The following TFEC variants were observed in gnomAD, a reference collection of about 807,000 sequenced individuals.
TFEC encodes the protein transcription factor EC.
TFEC carries 31 observed loss-of-function variants against 41.6 expected under a neutral mutation model. The ratio of observed to expected loss-of-function variants is 0.74; its 90% CI spans 0.56 to 1.01. The LOEUF is 1.01. TFEC is among the 50% of genes least tolerant of loss of function. The pLI is 0.00. For missense variants in TFEC, 402 were observed against 404.1 expected (o/e 0.99, Z 0.04); for synonymous variants, 143 against 140.6 (o/e 1.02, Z -0.12).
chr7:116,086,360 A>G (rs1254563580), intron 3 of TFEC, among the ~76,000 whole-genome samples: 3 of 151,844 alleles, frequency 2.0e-5, no homozygotes, highest in African/African-American at 7.2e-5. Flanking sequence ...AGGACCAAAG[A>G]ATGTGAGAAA....
At chr7:116,095,282 A>C (rs1366341065) in intron 3 of TFEC, among the ~76,000 whole-genome samples, 1 of 152,226 alleles carries the variant, frequency 6.6e-6, no homozygotes, top group Non-Finnish European at 1.5e-5. Context: ...TATTGAAAAC[A>C]TAAAGCACTT....
chr7:116,130,228 G>C (rs1225370869), intron 1 of TFEC, among the ~76,000 whole-genome samples: 1 of 152,136 alleles, frequency 6.6e-6, no homozygotes, highest in Non-Finnish European at 1.5e-5. Flanking sequence ...TTATCACAGA[G>C]TGCTAGAAGT....
chr7:116,084,471 C>T (rs567392090), intron 3 of TFEC, among the ~76,000 whole-genome samples: 4 of 151,862 alleles, frequency 2.6e-5, no homozygotes, highest in African/African-American at 4.8e-5. Context: ...AGTCCGAGCT[C>T]GTTCTAATAA....
chr7:116,108,992 A>C (rs1797784319), intron 3 of TFEC, among the ~76,000 whole-genome samples: 2 of 152,152 alleles, frequency 1.3e-5, no homozygotes, highest in Admixed American at 6.6e-5. Context: ...CTATTTAATA[A>C]ATGGTGCTGG....
intron 1 of TFEC, among the ~76,000 whole-genome samples, chr7:116,025,344 G>A (rs1176741387): frequency 6.6e-6 from 1 of 152,054 alleles, no homozygotes; most frequent in Non-Finnish European, 1.5e-5. Context: ...TCAGAAATGT[G>A]GGATGAAGGG....
chr7:115,948,036 A>C (rs1312611508), intron 6 of TFEC, among the ~76,000 whole-genome samples: 1 of 152,190 alleles, frequency 6.6e-6, no homozygotes, highest in East Asian at 1.9e-4. Flanking sequence ...ATCCCACAGA[A>C]ATACAAACTA....
chr7:115,969,172 C>T (rs1047032285), intron 3 of TFEC, among the ~76,000 whole-genome samples: 2 of 151,786 alleles, frequency 1.3e-5, no homozygotes, highest in Admixed American at 6.6e-5. Flanking sequence ...GTGTTAGTCA[C>T]TATGCTGGGT....
intron 1 of TFEC, chr7:116,157,258 CTTTT>C (rs1343658581): frequency 6.6e-6 from 1 of 152,042 alleles, no homozygotes; most frequent in Non-Finnish European, 1.5e-5. Flanking sequence ...TTCTTTCCCG[CTTTT>C]TTTCTCTATT....
intron 7 of TFEC, 115 bp from the exon 8 acceptor site, chr7:115,941,046 C>A: frequency 1.1e-6 from 1 of 942,832 alleles, no homozygotes; most frequent in Non-Finnish European, 1.5e-6. Context: ...AAGAGTAATA[C>A]AATACAAATT....
At chr7:116,103,016 G>C (rs1457353472) in intron 3 of TFEC, among the ~76,000 whole-genome samples, 1 of 152,194 alleles carries the variant, frequency 6.6e-6, no homozygotes, top group Non-Finnish European at 1.5e-5. Flanking sequence ...TTCTGGAGCT[G>C]CATCTATCAA....
At chr7:116,052,181 G>A (rs995508845) in intron 3 of TFEC, among the ~76,000 whole-genome samples, 1 of 151,938 alleles carries the variant, frequency 6.6e-6, no homozygotes, top group Admixed American at 6.6e-5. Flanking sequence ...CTGAGGATAT[G>A]AGCAGACTCA....
upstream of TFEC, among the ~76,000 whole-genome samples, chr7:116,031,066 G>C (rs905174035): frequency 1.3e-5 from 2 of 151,908 alleles, no homozygotes; most frequent in Non-Finnish European, 2.9e-5. Context: ...TATCATAATG[G>C]ACTGAGATCC....
At position 115,942,011 on chromosome 7, in the gene TFEC, A is replaced by G. The variant is rs1793531149; in HGVS notation, c.545T>C (p.Leu182Pro). ...PDMRWNKGTI[L>P]KASVEYIKWL... Reference sequence around the variant, plus strand: ...CTTGATGTACTCCACTGATGCTTTTAGAATGGTTCCTTTGTTCCAGCGCAT... The same window carrying G: ...CTTGATGTACTCCACTGATGCTTTTGGAATGGTTCCTTTGTTCCAGCGCAT... Residue 182 changes from leucine (L) to proline (P), a missense_variant, in exon 7 of 8, where the codon CTA (leucine) becomes CCA (proline). By Grantham distance (98) the Leu-to-Pro change is moderately conservative. Coordinates refer to ENST00000265440, the MANE Select transcript of TFEC (RefSeq NM_012252.4). 1 of 1,612,930 alleles carries G rather than the reference A, an allele frequency of 6.2e-7. No homozygotes were observed. Among genetic ancestry groups the G allele is most frequent in the Non-Finnish European group, 8.5e-7 (1 of 1,179,232 alleles).
At chr7:116,027,954 C>T (rs924488233) in intron 1 of TFEC, among the ~76,000 whole-genome samples, 4 of 152,084 alleles carry the variant, frequency 2.6e-5, no homozygotes, top group Admixed American at 6.6e-5. Context: ...AGAAACCTAA[C>T]GGGTCTTTAA....
chr7:115,991,298 T>C (rs1794100245), intron 1 of TFEC, among the ~76,000 whole-genome samples: 1 of 152,158 alleles, frequency 6.6e-6, no homozygotes, highest in African/African-American at 2.4e-5. Flanking sequence ...CCATCGATGC[T>C]AGGAAGAAAC....
intron 3 of TFEC, among the ~76,000 whole-genome samples, chr7:115,958,525 A>G (rs1226030801): frequency 6.6e-6 from 1 of 151,852 alleles, no homozygotes; most frequent in Non-Finnish European, 1.5e-5. Flanking sequence ...ATGGACTTCA[A>G]TGAAGAAGTG....
At chr7:116,123,914 A>G (rs1472077403) in intron 1 of TFEC, among the ~76,000 whole-genome samples, 35 of 152,262 alleles carry the variant, frequency 2.3e-4, no homozygotes, top group Non-Finnish European at 2.9e-5. Flanking sequence ...TCTTAGCATG[A>G]TATTAAACAT....
intron 3 of TFEC, among the ~76,000 whole-genome samples, chr7:116,059,849 G>A (rs1039687578): frequency 6.6e-6 from 1 of 151,666 alleles, no homozygotes; most frequent in African/African-American, 2.4e-5. Flanking sequence ...CCCAATAAAG[G>A]GCATCTATGA....
intron 3 of TFEC, among the ~76,000 whole-genome samples, chr7:116,046,317 G>A (rs1796163077): frequency 6.6e-6 from 1 of 152,154 alleles, no homozygotes; most frequent in Admixed American, 6.5e-5. Context: ...ACATGTTGTG[G>A]AAGGGACCCA....
Sources: gnomAD v4.1 joint callset for allele counts (sites outside exome capture counted in the v4.1 genomes callset) on GRCh38, gnomAD v4.1.1 for gene constraint, MANE v1.5 for transcripts, NCBI Gene and HGNC (gene_info 2026-07-23, HGNC 2026-07-21) for gene names.